The following PIP4K2A variants were observed in gnomAD, a reference collection of about 807,000 sequenced individuals.
PIP4K2A encodes the protein phosphatidylinositol 5-phosphate 4-kinase type-2 alpha.
A neutral mutation model predicts 42.9 loss-of-function variants in PIP4K2A; 14 were observed. That is an observed-to-expected ratio of 0.33 (90% CI 0.22 to 0.51). The LOEUF (loss-of-function observed/expected upper bound fraction) is 0.51. PIP4K2A is among the 20% of genes least tolerant of loss of function. The pLI is 0.97. For synonymous variants in PIP4K2A, 192 were observed against 192.2 expected (o/e 1.00, Z 0.01); for missense variants, 434 against 519.8 (o/e 0.83, Z 1.61).
chr10:22,585,984 G>C (rs1450953343), intron 4 of PIP4K2A, among the ~76,000 whole-genome samples: 4 of 152,110 alleles, frequency 2.6e-5, no homozygotes, highest in African/African-American at 9.7e-5. Flanking sequence ...AAAAAATTCA[G>C]TCGATTTAAG....
chr10:22,706,326 T>C (rs1271528985), intron 1 of PIP4K2A, among the ~76,000 whole-genome samples: 9 of 152,122 alleles, frequency 5.9e-5, no homozygotes, highest in Non-Finnish European at 4.4e-5. Flanking sequence ...CCTTGGCAGA[T>C]CTCCTACCAC....
chr10:22,590,201 T>C (rs758649242), intron 4 of PIP4K2A, among the ~76,000 whole-genome samples: 1 of 152,158 alleles, frequency 6.6e-6, no homozygotes, highest in African/African-American at 2.4e-5. Flanking sequence ...CTGTAAGAAA[T>C]AGATTTCTGT....
chr10:22,600,188 T>G (rs1012241979), intron 3 of PIP4K2A, among the ~76,000 whole-genome samples: 2 of 152,232 alleles, frequency 1.3e-5, no homozygotes, highest in Non-Finnish European at 1.5e-5. Context: ...ACGTAAGTCT[T>G]GTATAATTTG....
chr10:22,582,649 A>G (rs1176676834), intron 4 of PIP4K2A, among the ~76,000 whole-genome samples: 1 of 152,164 alleles, frequency 6.6e-6, no homozygotes, highest in African/African-American at 2.4e-5. Context: ...GCCATGGGCT[A>G]TGTTTAGAGA....
rs542822746 is a variant in PIP4K2A at position 22,566,825 on chromosome 10, A to G, written c.678+1026T>C. On this transcript the variant is annotated intron_variant, in intron 6 of 9. Transcript: ENST00000376573. ...CAGGCGCCCTTGCTATGTGCTCTAG[A>G]GCTCCCTGAGTGTCCTGTCCAAGTG... Among the ~76,000 whole-genome samples the G allele has an allele frequency of 2.9e-4, 44 of 152,194 alleles. No homozygotes were observed. In the South Asian group the frequency reaches 9.1e-3, roughly 32 times the overall value.
chr10:22,535,350 T>A lies in PIP4K2A; in HGVS notation c.*1851A>T, dbSNP rs1440239562. On this transcript the variant is annotated 3_prime_UTR_variant, in exon 10 of 10. Coordinates refer to ENST00000376573, the MANE Select transcript of PIP4K2A (RefSeq NM_005028.5). ...ACTTTAAATACATAAAAGATGAATC[T>A]GTACACTACGTGACAGTGGTGTTAA... 2.0e-5 allele frequency: 3 copies of A among 152,224 alleles called. No homozygotes were observed. The highest frequency in any genetic ancestry group is 4.8e-5 in the African/African-American group (2 of 41,450). The allele number at this position is 152,224 out of a possible 1,614,324, so 9.4% of individuals were successfully genotyped here.
At position 22,536,207 on chromosome 10, in the gene PIP4K2A, T is replaced by C; in HGVS notation, c.*994A>G. The C allele has an allele frequency of 5.0e-6, 2 of 398,182 alleles. No homozygotes were observed. The highest frequency in any genetic ancestry group is 4.4e-5 in the Admixed American group (1 of 22,734). 24.7% of individuals were successfully genotyped at this position (398,182 alleles called of 1,614,324 possible). On this transcript the variant is annotated 3_prime_UTR_variant, in exon 10 of 10. Coordinates refer to ENST00000376573, the MANE Select transcript of PIP4K2A (RefSeq NM_005028.5). ...TCTTATAATTCAGATCTGCATTTGGTAACAGGAGAATTGAGAGTTTTGATG... is the reference window on the plus strand; with the variant it reads ...TCTTATAATTCAGATCTGCATTTGGCAACAGGAGAATTGAGAGTTTTGATG...
intron 1 of PIP4K2A, among the ~76,000 whole-genome samples, chr10:22,613,568 T>C (rs1439384617): frequency 1.3e-5 from 2 of 152,118 alleles, no homozygotes; most frequent in African/African-American, 4.8e-5. Flanking sequence ...CATGGCCACC[T>C]GCTAAGAGTG....
At chr10:22,703,551 G>T (rs943421885) in intron 1 of PIP4K2A, among the ~76,000 whole-genome samples, 3 of 152,198 alleles carry the variant, frequency 2.0e-5, no homozygotes, top group African/African-American at 7.2e-5. Context: ...TCATGAAGAG[G>T]GTGTTATGGG....
chr10:22,711,739 C>T (rs917958789), intron 1 of PIP4K2A, among the ~76,000 whole-genome samples: 3 of 152,228 alleles, frequency 2.0e-5, no homozygotes, highest in African/African-American at 4.8e-5. Flanking sequence ...TCACATTATA[C>T]TATAAACTTT....
chr10:22,598,680 C>A (rs576269817), intron 3 of PIP4K2A, among the ~76,000 whole-genome samples: 7 of 152,254 alleles, frequency 4.6e-5, no homozygotes, highest in Middle Eastern at 3.4e-3. Context: ...GGCTTTGCGT[C>A]CTCCCTCCAA....
rs1473159762 is a variant in PIP4K2A at position 22,664,126 on chromosome 10, T to C, written c.144+50057A>G. On this transcript the variant is annotated intron_variant, in intron 1 of 9. Transcript: ENST00000376573. ...ATACATATATATATACATATATATA[T>C]ATACATATATATATACATATATATA... 4.1e-4 allele frequency among the ~76,000 whole-genome samples: 27 copies of C among 65,612 alleles called. 2 individuals are homozygous for C. In the South Asian group the frequency reaches 4.1e-3, roughly 10 times the overall value. The allele number at this position is 65,612 out of a possible 152,430, so 43.0% of individuals were successfully genotyped here.
chr10:22,710,588 G>A (rs1011347595), intron 1 of PIP4K2A, among the ~76,000 whole-genome samples: 1 of 152,056 alleles, frequency 6.6e-6, no homozygotes, highest in Non-Finnish European at 1.5e-5. Flanking sequence ...GAGCCAAAGG[G>A]TACAGAAAAG....
chr10:22,641,504 C>A (rs1442957380), intron 1 of PIP4K2A, among the ~76,000 whole-genome samples: 1 of 151,856 alleles, frequency 6.6e-6, no homozygotes, highest in Non-Finnish European at 1.5e-5. Context: ...TGCAGTGGCA[C>A]AATCATAGCT....
intron 1 of PIP4K2A, among the ~76,000 whole-genome samples, chr10:22,634,721 C>G (rs1624192): frequency 0.21 from 31,392 of 151,992 alleles, 4,129 homozygotes; most frequent in African/African-American, 0.37. Context: ...AGGAAGCATA[C>G]ATTTTTTTTA....
chr10:22,687,734 C>A (rs1839791746), intron 1 of PIP4K2A, among the ~76,000 whole-genome samples: 1 of 152,138 alleles, frequency 6.6e-6, no homozygotes, highest in Non-Finnish European at 1.5e-5. Context: ...TACTCTATAT[C>A]ATTTCTATAA....
At position 22,679,754 on chromosome 10, in the gene PIP4K2A, G is replaced by A. The variant is rs1256617414; in HGVS notation, c.144+34429C>T. Among the ~76,000 whole-genome samples the A allele has an allele frequency of 2.0e-5, 3 of 152,232 alleles. No homozygotes were observed. In the South Asian group the frequency reaches 6.2e-4, roughly 32 times the overall value. The stretch of plus-strand genomic sequence containing the variant: ...AAAAAGGAATTAAGTATTGTTACAA[G>A]GTACAATGTGGATGAACCTTGGAAA... On this transcript the variant is annotated intron_variant, in intron 1 of 9. Transcript: ENST00000376573.
At chr10:22,661,729 T>C (rs1839209376) in intron 1 of PIP4K2A, 1 of 152,210 alleles carries the variant, frequency 6.6e-6, no homozygotes, top group African/African-American at 2.4e-5. Flanking sequence ...TTCATTGCTC[T>C]TTATTCCCGA....
chr10:22,567,529 C>T (rs766381907), intron 6 of PIP4K2A: 24 of 555,112 alleles, frequency 4.3e-5, no homozygotes, highest in Admixed American at 6.9e-5. Context: ...CCCGCAGGAA[C>T]GCACTCTCAG....
Sources: gnomAD v4.1 joint callset for allele counts (sites outside exome capture counted in the v4.1 genomes callset) on GRCh38, gnomAD v4.1.1 for gene constraint, MANE v1.5 for transcripts, NCBI Gene and HGNC (gene_info 2026-07-23, HGNC 2026-07-21) for gene names.